Variants in MAP4 observed in about 807,000 individuals in gnomAD.
MAP4 encodes the protein microtubule associated protein 4.
In MAP4, 76 loss-of-function variants were observed where a neutral mutation model predicts 170.2. The ratio of observed to expected loss-of-function variants is 0.45; its 90% CI spans 0.37 to 0.54. MAP4 has a LOEUF of 0.54. MAP4 is among the 20% of genes least tolerant of loss of function. The probability of loss-of-function intolerance (pLI) is 0.00; values close to 1 mark genes in which losing one functional copy is unlikely to be tolerated. For synonymous variants in MAP4, 909 were observed against 994.5 expected (o/e 0.91, Z 1.62); for missense variants, 2,506 against 2,748.0 (o/e 0.91, Z 1.97).
At chr3:47,936,009 T>C (rs1265065015) in intron 3 of MAP4, among the ~76,000 whole-genome samples, 5 of 150,272 alleles carry the variant, frequency 3.3e-5, no homozygotes, top group Non-Finnish European at 7.4e-5. Flanking sequence ...GAATATAAAA[T>C]TAAGAATATA....
intron 1 of MAP4, among the ~76,000 whole-genome samples, chr3:48,040,368 A>AAC (rs2100121003): frequency 6.6e-6 from 1 of 151,958 alleles, no homozygotes; most frequent in African/African-American, 2.4e-5. Flanking sequence ...TCCTGGGTTC[A>AAC]GGCCATTCTC....
chr3:47,888,109 T>A (rs2097916073), intron 10 of MAP4, among the ~76,000 whole-genome samples: 1 of 152,126 alleles, frequency 6.6e-6, no homozygotes, highest in South Asian at 2.1e-4. Flanking sequence ...GTGTCGAAAC[T>A]CTGTATCTAA....
chr3:47,906,568 A>G (rs1489388225), intron 9 of MAP4, among the ~76,000 whole-genome samples: 1 of 151,854 alleles, frequency 6.6e-6, no homozygotes, highest in East Asian at 2.0e-4. Context: ...CTGTAATCCC[A>G]GCTACTCGGG....
At chr3:47,873,309 A>G (rs542106277) in intron 12 of MAP4, among the ~76,000 whole-genome samples, 47 of 152,332 alleles carry the variant, frequency 3.1e-4, no homozygotes, top group Admixed American at 9.8e-4. Context: ...TAAGGGAAAG[A>G]ATCAGTTTAG....
At chr3:48,005,460 T>C (rs550378462) in intron 1 of MAP4, among the ~76,000 whole-genome samples, 14 of 152,286 alleles carry the variant, frequency 9.2e-5, no homozygotes, top group African/African-American at 2.2e-4. Context: ...GGAAGGAACA[T>C]AGAGTTGGAT....
intron 1 of MAP4, among the ~76,000 whole-genome samples, chr3:48,069,643 CAA>C (rs1372544407): frequency 1.3e-5 from 2 of 152,194 alleles, no homozygotes; most frequent in African/African-American, 4.8e-5. Context: ...ACTGAGCACA[CAA>C]AGTTATTCAG....
intron 1 of MAP4, among the ~76,000 whole-genome samples, chr3:48,031,169 G>A (rs534160342): frequency 6.6e-6 from 1 of 152,282 alleles, no homozygotes; most frequent in South Asian, 2.1e-4. Flanking sequence ...CCAGCACTTT[G>A]GCAGGCCAAG....
intron 10 of MAP4, among the ~76,000 whole-genome samples, chr3:47,881,099 T>C (rs2096638269): frequency 6.6e-6 from 1 of 152,116 alleles, no homozygotes; most frequent in Non-Finnish European, 1.5e-5. Context: ...TTTCTAAATG[T>C]AAGGATCAAT....
Position 47,855,253 on chromosome 3 carries a change from C to A in MAP4, c.6691G>T (p.Val2231Leu), listed in dbSNP as rs2053175856. The change falls in exon 19 of 21, where the codon GTG becomes TTG. Residue 2231 changes from valine (V) to leucine (L), a missense_variant. Coordinates refer to ENST00000683076, the MANE Select transcript of MAP4 (RefSeq NM_001385682.1). The surrounding 1 kb of genome is among the most constrained non-coding windows in gnomAD (Gnocchi z 5.1). Reference protein sequence around the residue: ...NVGHLPAGGAVKTEGGGSEAP... With the variant: ...NVGHLPAGGALKTEGGGSEAP... ...CCCAGTGACCCACTCGCTACCTTCA[C>A]AGCACCTCCTGCAGGTAGGTGGCCC... 1 of 1,612,080 alleles carries A rather than the reference C, an allele frequency of 6.2e-7. No individual in the cohort carries two copies. Among genetic ancestry groups the A allele is most frequent in the Non-Finnish European group, 8.5e-7 (1 of 1,178,244 alleles).
At position 47,859,897 on chromosome 3, in the gene MAP4, C is replaced by T. The variant is rs146548594; in HGVS notation, c.6502-2385G>A. Among the ~76,000 whole-genome samples the T allele has an allele frequency of 9.2e-5, 14 of 152,322 alleles. No individual in the cohort carries two copies. In the East Asian group the frequency reaches 2.7e-3, roughly 29 times the overall value. On this transcript the variant is annotated intron_variant, in intron 17 of 20. Coordinates refer to ENST00000683076, the MANE Select transcript of MAP4 (RefSeq NM_001385682.1). ...TCCTCCTAAGTATGTGCTGATGACA[C>T]CACTGTAAGTGCTTTATCTGGGTTT...
rs1157130148 is a variant in MAP4, at chr3:47,911,863, C to T, written c.2558G>A (p.Ser853Asn). 2.6e-6 allele frequency: 4 copies of T among 1,535,956 alleles called. No homozygotes were observed. The African/African-American group carries it at 4.1e-5, about 16-fold the overall frequency. Residue 853 changes from serine (S) to asparagine (N), a missense_variant, in exon 9 of 21, where the codon AGT becomes AAT. Transcript: ENST00000683076. The surrounding 1 kb of genome is among the most constrained non-coding windows in gnomAD (Gnocchi z 4.0). ...RLVAENFVSE[S>N]LRIPLYPSEE... ...AGAAGGATATAAAGGAATTCTGAGA[C>T]TCTCTGAGACAAAGTTCTCAGCTAC...
At position 47,867,420 on chromosome 3, in the gene MAP4, C is replaced by T. The variant is rs1011976802; in HGVS notation, c.6409-82G>A. On this transcript the variant is annotated intron_variant, in intron 16 of 20. Transcript: ENST00000683076. ...ACACAGGGAAGGCAGTGAGTCCACACGTGATCACAATGACCAACAAAAAGT... is the reference window on the plus strand; with the variant it reads ...ACACAGGGAAGGCAGTGAGTCCACATGTGATCACAATGACCAACAAAAAGT... 3.0e-5 allele frequency: 26 copies of T among 864,970 alleles called. 1 individual carries two copies. The highest frequency in any genetic ancestry group is 2.2e-4 in the Middle Eastern group (1 of 4,530). 53.6% of individuals were successfully genotyped at this position (864,970 alleles called of 1,614,324 possible).
At chr3:47,892,668 A>G (rs1474949992) in intron 10 of MAP4, 2 of 1,324,866 alleles carry the variant, frequency 1.5e-6, no homozygotes, top group East Asian at 5.8e-5. Context: ...TACAAATGTG[A>G]AAGAAAGAAA....
chr3:47,923,155 G>A (rs1045477241), intron 4 of MAP4, among the ~76,000 whole-genome samples: 1 of 151,944 alleles, frequency 6.6e-6, no homozygotes, highest in Non-Finnish European at 1.5e-5. Flanking sequence ...CTGAAGACTT[G>A]TTAAAAATAA....
chr3:47,944,300 ACT>A (rs761574642), intron 3 of MAP4, among the ~76,000 whole-genome samples: 1 of 151,914 alleles, frequency 6.6e-6, no homozygotes, highest in East Asian at 1.9e-4. Context: ...AGAGAGCAAA[ACT>A]CTGTCTCAAA....
chr3:47,994,801 T>C (rs563362576), intron 2 of MAP4, among the ~76,000 whole-genome samples: 6 of 152,196 alleles, frequency 3.9e-5, no homozygotes, highest in African/African-American at 1.4e-4. Flanking sequence ...AATACAAAAA[T>C]TAGCCAGGCA....
chr3:48,055,014 G>T (rs1222975445), intron 1 of MAP4, among the ~76,000 whole-genome samples: 1 of 152,198 alleles, frequency 6.6e-6, no homozygotes, highest in African/African-American at 2.4e-5. Flanking sequence ...TCTCAAAGCT[G>T]TAATTAAGCA....
chr3:47,873,287 G>A (rs146945356), intron 12 of MAP4, among the ~76,000 whole-genome samples: 2,687 of 152,296 alleles, frequency 0.018, 36 homozygotes, highest in South Asian at 0.065. Context: ...TGAGAATGAC[G>A]TCTCTAGTGA....
At chr3:48,023,039 T>C (rs1579328402) in intron 1 of MAP4, among the ~76,000 whole-genome samples, 1 of 152,060 alleles carries the variant, frequency 6.6e-6, no homozygotes, top group Non-Finnish European at 1.5e-5. Flanking sequence ...AGAAATGAAA[T>C]GCAATCCTAG....
Sources: gnomAD v4.1 joint callset for allele counts (sites outside exome capture counted in the v4.1 genomes callset) on GRCh38, gnomAD v4.1.1 for gene constraint, Gnocchi (gnomAD v3.1) non-coding constraint, MANE v1.5 for transcripts, NCBI Gene and HGNC (gene_info 2026-07-23, HGNC 2026-07-21) for gene names.